Variants in MAGI2 observed in about 807,000 individuals in gnomAD.
MAGI2 encodes the protein membrane associated guanylate kinase, WW and PDZ domain containing 2, also known as membrane-associated guanylate kinase, WW and PDZ domain-containing protein 2.
MAGI2 carries 35 observed loss-of-function variants against 133.3 expected under a neutral mutation model. The ratio of observed to expected loss-of-function variants is 0.26; its 90% CI spans 0.20 to 0.35. The LOEUF is 0.35. Among genes scored for constraint, MAGI2 ranks in the 10% least tolerant of loss-of-function variants. The pLI, the probability that MAGI2 is intolerant of heterozygous loss-of-function variation, is 1.00. For missense variants in MAGI2, 1,636 were observed against 1,863.4 expected (o/e 0.88, Z 2.25); for synonymous variants, 729 against 710.6 (o/e 1.03, Z -0.41).
intron 2 of MAGI2, among the ~76,000 whole-genome samples, chr7:78,856,925 T>C (rs1178757435): frequency 3.9e-5 from 6 of 152,174 alleles, no homozygotes; most frequent in African/African-American, 9.6e-5. Flanking sequence ...TCTTTTATTT[T>C]GTTGAGCAGT....
At chr7:79,110,665 C>T (rs569838816) in intron 1 of MAGI2, among the ~76,000 whole-genome samples, 96 of 152,176 alleles carry the variant, frequency 6.3e-4, no homozygotes, top group African/African-American at 2.1e-3. Flanking sequence ...TGAGTTAAGG[C>T]TTTAGGGGAC....
Position 78,167,900 on chromosome 7 carries a change from G to C in MAGI2, c.2596+16C>G. On this transcript the variant is annotated intron_variant, in intron 15 of 21. Transcript: ENST00000354212. ...CACCTAACCCTCGATTCCTGCAGCA[G>C]GCTCCAGGTACATACCTCCACATAG... is the stretch of plus-strand genomic sequence containing the variant. 1 of 1,602,854 alleles carries C rather than the reference G, an allele frequency of 6.2e-7. No homozygotes were observed. The highest frequency in any genetic ancestry group is 8.5e-7 in the Non-Finnish European group (1 of 1,171,308).
At chr7:78,985,804 G>A (rs1285166633) in intron 2 of MAGI2, among the ~76,000 whole-genome samples, 1 of 152,022 alleles carries the variant, frequency 6.6e-6, no homozygotes, top group Non-Finnish European at 1.5e-5. Flanking sequence ...TTAAGTCATG[G>A]CAGAATAATT....
At chr7:78,429,458 A>G (rs745647485) in intron 6 of MAGI2, among the ~76,000 whole-genome samples, 3 of 152,052 alleles carry the variant, frequency 2.0e-5, no homozygotes, top group Non-Finnish European at 4.4e-5. Flanking sequence ...ACTCCCGTGG[A>G]AAAAAATGGA....
intron 1 of MAGI2, among the ~76,000 whole-genome samples, chr7:79,145,786 C>T (rs1018567345): frequency 2.0e-5 from 3 of 152,162 alleles, no homozygotes; most frequent in Non-Finnish European, 4.4e-5. Context: ...TTTGTTTTCT[C>T]TAACCAAGGC....
At chr7:78,564,095 A>G (rs1367743555) in intron 3 of MAGI2, among the ~76,000 whole-genome samples, 2 of 152,206 alleles carry the variant, frequency 1.3e-5, no homozygotes, top group Non-Finnish European at 2.9e-5. Flanking sequence ...CATCAACTCT[A>G]AAAGATCACA....
chr7:79,017,049 A>G (rs1251652922), intron 1 of MAGI2, among the ~76,000 whole-genome samples: 2 of 152,250 alleles, frequency 1.3e-5, no homozygotes, highest in African/African-American at 4.8e-5. Flanking sequence ...AGGCCAGCAC[A>G]TCTGTTCCCA....
chr7:79,453,263 T>G lies in MAGI2; in HGVS notation c.58A>C (p.Ile20Leu). 6.2e-6 allele frequency: 10 copies of G among 1,614,068 alleles called. No homozygotes were observed. The highest frequency in any genetic ancestry group is 8.5e-6 in the Non-Finnish European group (10 of 1,180,040). The change falls in exon 1 of 22, where the codon ATT becomes CTT. Residue 20 changes from isoleucine (I) to leucine (L), a missense_variant. Around this residue, in one of 5 missense-constraint regions of MAGI2, gnomAD observed 148 missense variants for 239.0 expected, o/e 0.62. Transcript: ENST00000354212. ...AGCTGGCCCTCCGGGTTCCTGCCAATGACACTCTCATGGACTTTGCTAGTC... is the reference window on the plus strand; with the variant it reads ...AGCTGGCCCTCCGGGTTCCTGCCAAGGACACTCTCATGGACTTTGCTAGTC... ...HWTSKVHESV[I>L]GRNPEGQLGF... is the part of the protein sequence containing the mutation.
chr7:79,371,006 A>C (rs916487772), intron 1 of MAGI2, among the ~76,000 whole-genome samples: 1 of 152,066 alleles, frequency 6.6e-6, no homozygotes, highest in African/African-American at 2.4e-5. Flanking sequence ...AATCAAAAAT[A>C]CTGGAGTAAG....
intron 3 of MAGI2, among the ~76,000 whole-genome samples, chr7:78,611,774 G>A (rs1363834200): frequency 6.6e-6 from 1 of 152,154 alleles, no homozygotes; most frequent in Non-Finnish European, 1.5e-5. Flanking sequence ...TTCTTCAAGT[G>A]TACTGCCAAC....
chr7:78,668,293 G>A (rs560599673), intron 2 of MAGI2, among the ~76,000 whole-genome samples: 1 of 151,524 alleles, frequency 6.6e-6, no homozygotes, highest in African/African-American at 2.4e-5. Flanking sequence ...CTGGATATTA[G>A]CCCTCTGTCA....
intron 1 of MAGI2, among the ~76,000 whole-genome samples, chr7:79,115,057 G>A (rs1819272084): frequency 6.6e-6 from 1 of 152,120 alleles, no homozygotes; most frequent in East Asian, 1.9e-4. Flanking sequence ...CCAGGAGGAG[G>A]GCAGCTCTAC....
intron 9 of MAGI2, among the ~76,000 whole-genome samples, chr7:78,292,471 G>C (rs2151045044): frequency 6.6e-6 from 1 of 152,264 alleles, no homozygotes; most frequent in East Asian, 1.9e-4. Context: ...ATGCTCATGG[G>C]TAGGAAGAAT....
At chr7:79,421,788 C>T (rs1846976163) in intron 1 of MAGI2, among the ~76,000 whole-genome samples, 1 of 152,112 alleles carries the variant, frequency 6.6e-6, no homozygotes, top group South Asian at 2.1e-4. Context: ...AATGGCTATA[C>T]ACTTGAGTGC....
At chr7:79,201,958 T>G (rs1279277746) in intron 1 of MAGI2, among the ~76,000 whole-genome samples, 1 of 152,052 alleles carries the variant, frequency 6.6e-6, no homozygotes, top group East Asian at 1.9e-4. Context: ...TTAGTCCTCT[T>G]TTTATTTCAA....
At position 78,274,575 on chromosome 7, in the gene MAGI2, T is replaced by C. The variant is rs1027423365; in HGVS notation, c.1409-17994A>G. Among the ~76,000 whole-genome samples, 3 of 151,752 alleles carry C rather than the reference T, an allele frequency of 2.0e-5. 1 individual carries two copies. Among genetic ancestry groups the C allele is most frequent in the Admixed American group, 6.6e-5 (1 of 15,232 alleles). On this transcript the variant is annotated intron_variant, in intron 9 of 21. Coordinates refer to ENST00000354212, the MANE Select transcript of MAGI2 (RefSeq NM_012301.4). ...CCCCAAGTGCTCTGTCCCAGGGAGA[T>C]GGGGGTTTTATCTATAAGTCCCTGA... is the stretch of plus-strand genomic sequence containing the variant.
intron 2 of MAGI2, among the ~76,000 whole-genome samples, chr7:78,633,525 G>GA (rs990792255): frequency 2.0e-5 from 3 of 152,030 alleles, no homozygotes; most frequent in African/African-American, 7.2e-5. Flanking sequence ...CTAACACGGT[G>GA]AAACCCCGTC....
At chr7:78,933,131 G>T (rs1800262143) in intron 2 of MAGI2, among the ~76,000 whole-genome samples, 2 of 152,048 alleles carry the variant, frequency 1.3e-5, no homozygotes, top group South Asian at 4.1e-4. Flanking sequence ...GCAGCTTGTG[G>T]TAGAAAATGC....
At chr7:78,523,843 C>T (rs1028581290) in intron 3 of MAGI2, among the ~76,000 whole-genome samples, 1 of 152,006 alleles carries the variant, frequency 6.6e-6, no homozygotes, top group African/African-American at 2.4e-5. Context: ...GGTGGGGACA[C>T]AGCCAAGCCA....
Sources: allele counts gnomAD v4.1 joint callset (sites outside exome capture counted in the v4.1 genomes callset), GRCh38; gene constraint gnomAD v4.1.1; regional missense constraint gnomAD v4.1.1; transcripts MANE v1.5; gene names NCBI Gene and HGNC (gene_info 2026-07-23, HGNC 2026-07-21).